The following ABCG2 variants were observed in gnomAD, a reference collection of about 807,000 sequenced individuals.
The protein encoded by ABCG2 is broad substrate specificity ATP-binding cassette transporter ABCG2.
A neutral mutation model predicts 73.5 loss-of-function variants in ABCG2; 80 were observed. The ratio of observed to expected loss-of-function variants is 1.09; its 90% CI spans 0.91 to 1.31. The LOEUF is 1.31. ABCG2 is among the 50% of genes most tolerant of loss of function. The probability of loss-of-function intolerance (pLI) is 0.00; values close to 1 mark genes in which losing one functional copy is unlikely to be tolerated. For synonymous variants in ABCG2, 269 were observed against 282.4 expected (o/e 0.95, Z 0.48); for missense variants, 796 against 786.2 (o/e 1.01, Z -0.15).
intron 1 of ABCG2, among the ~76,000 whole-genome samples, chr4:88,191,528 T>A (rs1728693655): frequency 6.6e-6 from 1 of 152,014 alleles, no homozygotes; most frequent in South Asian, 2.1e-4. Context: ...AATGATAAAA[T>A]CACTTTGGAA....
chr4:88,101,453 G>T, intron 10 of ABCG2, 134 bp from the exon 11 acceptor site: 1 of 759,546 alleles, frequency 1.3e-6, no homozygotes, highest in South Asian at 1.6e-5. Flanking sequence ...GTTCTGGTTG[G>T]AACAGGGAAG....
chr4:88,092,479 C>A (rs1721702521), intron 15 of ABCG2, 98 bp from the exon 16 acceptor site: 2 of 1,311,408 alleles, frequency 1.5e-6, no homozygotes, highest in South Asian at 3.0e-5. Flanking sequence ...AAAATTGAAC[C>A]AAGCCTTTAA....
At chr4:88,224,387 G>A (rs1373713295) in intron 1 of ABCG2, among the ~76,000 whole-genome samples, 5 of 152,160 alleles carry the variant, frequency 3.3e-5, no homozygotes, top group African/African-American at 7.2e-5. Flanking sequence ...GAAATGAGCC[G>A]AGATGGTGTC....
At chr4:88,147,016 G>GGAAAGAAAGAAAGAAATAAAGAAAGAAA (rs1726076788) in intron 1 of ABCG2, among the ~76,000 whole-genome samples, 1 of 125,162 alleles carries the variant, frequency 8.0e-6, no homozygotes, top group Admixed American at 8.5e-5. Flanking sequence ...AGAAAGAAAA[G>GGAAAGAAAGAAAGAAATAAAGAAAGAAA]GAAAGAAAGA....
At chr4:88,194,695 A>T (rs1445995900) in intron 1 of ABCG2, among the ~76,000 whole-genome samples, 1 of 151,908 alleles carries the variant, frequency 6.6e-6, no homozygotes, top group Non-Finnish European at 1.5e-5. Context: ...ACTGTCTTAC[A>T]GCTAAACTTG....
At chr4:88,155,842 G>A (rs1030693222) in intron 1 of ABCG2, among the ~76,000 whole-genome samples, 1 of 152,040 alleles carries the variant, frequency 6.6e-6, no homozygotes, top group African/African-American at 2.4e-5. Context: ...GGAAGCGGAG[G>A]AGGTTGCAGT....
intron 1 of ABCG2, among the ~76,000 whole-genome samples, chr4:88,149,639 G>A (rs187026744): frequency 1.7e-3 from 256 of 152,128 alleles, no homozygotes; most frequent in African/African-American, 5.8e-3. Flanking sequence ...ATCACATGAG[G>A]TCGGGAGTTC....
intron 7 of ABCG2, among the ~76,000 whole-genome samples, chr4:88,117,253 G>C (rs1723641164): frequency 6.6e-6 from 1 of 151,936 alleles, no homozygotes; most frequent in African/African-American, 2.4e-5. Context: ...GCGGGGGGTT[G>C]AGGCTGCAGT....
rs539410393 is a variant in ABCG2, at chr4:88,117,501, G to A, written c.841+608C>T. Among the ~76,000 whole-genome samples the A allele has an allele frequency of 5.9e-4, 90 of 152,132 alleles. 1 individual carries two copies. The highest frequency in any genetic ancestry group is 5.2e-4 in the Admixed American group (8 of 15,280). On this transcript the variant is annotated intron_variant, in intron 7 of 15. Transcript: ENST00000237612. ...AATACAAAAAAATTAGCCGGGCATG[G>A]TTGTGGGCGCCTGCAGTCCCAGCTA... is the stretch of plus-strand genomic sequence containing the variant.
chr4:88,157,630 AG>A (rs1727034368), intron 1 of ABCG2, among the ~76,000 whole-genome samples: 1 of 152,236 alleles, frequency 6.6e-6, no homozygotes, highest in Non-Finnish European at 1.5e-5. Context: ...GGGTAATGTT[AG>A]ACTTAACATG....
At chr4:88,125,703 G>C (rs531428694) in intron 5 of ABCG2, among the ~76,000 whole-genome samples, 41 of 149,554 alleles carry the variant, frequency 2.7e-4, no homozygotes, top group African/African-American at 1.0e-3. Flanking sequence ...ATGAAATGAA[G>C]GCAGAAATAA....
Position 88,131,111 on chromosome 4 carries a change from T to C in ABCG2, c.481A>G (p.Ile161Val), listed in dbSNP as rs1236570806. The C allele has an allele frequency of 6.2e-7, 1 of 1,614,066 alleles. No individual in the cohort carries two copies. The highest frequency in any genetic ancestry group is 8.5e-7 in the Non-Finnish European group (1 of 1,179,994). ...TMTNHEKNERINRVIQELGLD... is the reference protein window; with the variant it reads ...TMTNHEKNERVNRVIQELGLD... ...CCTAACTCTTGAATGACCCTGTTAA[T>C]CCGTTCGTTTTTTTCATGATTCGTC... The change falls in exon 5 of 16, where the codon ATT becomes GTT. Residue 161 changes from isoleucine to valine, a missense_variant. Ile to Val is a conservative substitution (Grantham distance 29). Transcript: ENST00000237612.
chr4:88,230,008 T>C (rs1264742491), intron 1 of ABCG2, among the ~76,000 whole-genome samples: 3 of 149,742 alleles, frequency 2.0e-5, no homozygotes, highest in Admixed American at 2.0e-4. Context: ...TTATTATTAT[T>C]AGAGACAGAG....
intron 1 of ABCG2, among the ~76,000 whole-genome samples, chr4:88,168,357 T>C (rs1392311946): frequency 6.6e-6 from 1 of 151,910 alleles, no homozygotes; most frequent in Non-Finnish European, 1.5e-5. Flanking sequence ...CATGGTGGCA[T>C]GCGCCTGTAG....
In ABCG2 at chr4:88,110,860, C is replaced by G. The variant is rs181175671; in HGVS notation, c.1194+2443G>C. Among the ~76,000 whole-genome samples the G allele has an allele frequency of 5.9e-5, 9 of 152,178 alleles. No homozygotes were observed. In the East Asian group the frequency reaches 1.7e-3, roughly 29 times the overall value. ...CCTACTCCTGCCCTAAGCTAATATT[C>G]CAGTTTTTCACAAATCGAAACAAAA... On this transcript the variant is annotated intron_variant, in intron 9 of 15. Transcript: ENST00000237612.
At chr4:88,122,693 C>T (rs750639380) in intron 5 of ABCG2, among the ~76,000 whole-genome samples, 1 of 152,212 alleles carries the variant, frequency 6.6e-6, no homozygotes, top group Non-Finnish European at 1.5e-5. Flanking sequence ...CTCCCACCTC[C>T]CTGGGACAGA....
intron 1 of ABCG2, among the ~76,000 whole-genome samples, chr4:88,190,610 G>A (rs1303839303): frequency 6.6e-6 from 1 of 152,164 alleles, no homozygotes; most frequent in Non-Finnish European, 1.5e-5. Flanking sequence ...AGGTTACTAA[G>A]TAGAGGATTT....
intron 2 of ABCG2, among the ~76,000 whole-genome samples, chr4:88,133,152 C>T (rs868452775): frequency 2.7e-4 from 41 of 152,266 alleles, no homozygotes; most frequent in African/African-American, 9.1e-4. Context: ...AAATACATGG[C>T]GTGTTCTGAG....
At chr4:88,197,949 G>C (rs1729001191) in intron 1 of ABCG2, among the ~76,000 whole-genome samples, 1 of 149,082 alleles carries the variant, frequency 6.7e-6, no homozygotes, top group Non-Finnish European at 1.5e-5. Context: ...ATAATTGCTT[G>C]AACATGGGAG....
Sources: gnomAD v4.1 joint callset for allele counts (sites outside exome capture counted in the v4.1 genomes callset) on GRCh38, gnomAD v4.1.1 for gene constraint, MANE v1.5 for transcripts, NCBI Gene and HGNC (gene_info 2026-07-23, HGNC 2026-07-21) for gene names.